The following BCO1 variants were observed in gnomAD, a reference collection of about 807,000 sequenced individuals.
The protein encoded by BCO1 is beta-carotene oxygenase 1.
BCO1 carries 54 observed loss-of-function variants against 56.3 expected under a neutral mutation model. The observed-to-expected ratio is 0.96, with a 90% CI of 0.77 to 1.20. The LOEUF (loss-of-function observed/expected upper bound fraction) is 1.20, where lower values mean the gene tolerates loss of function less well. Among genes scored for constraint, BCO1 ranks in the 50% most tolerant of loss-of-function variants. The pLI is 0.00. For synonymous variants in BCO1, 318 were observed against 266.1 expected, an observed-to-expected ratio of 1.20 and a Z score of -1.90; for missense variants, 801 against 690.9, an observed-to-expected ratio of 1.16 and a Z score of -1.79.
At chr16:81,258,849 C>T (rs1354922126) in intron 2 of BCO1, among the ~76,000 whole-genome samples, 2 of 152,122 alleles carry the variant, frequency 1.3e-5, no homozygotes, top group African/African-American at 2.4e-5. Flanking sequence ...AAGCAAGCCA[C>T]CAGCATCTGT....
intron 2 of BCO1, among the ~76,000 whole-genome samples, chr16:81,253,083 TGG>T (rs1175803913): frequency 2.0e-5 from 3 of 152,118 alleles, no homozygotes; most frequent in African/African-American, 7.2e-5. Context: ...CACTCCAGCC[TGG>T]GTGACGGAGC....
chr16:81,243,839 G>A (rs752102325), intron 1 of BCO1, among the ~76,000 whole-genome samples: 2 of 152,186 alleles, frequency 1.3e-5, no homozygotes, highest in African/African-American at 2.4e-5. Flanking sequence ...TATTTGGCAC[G>A]TGATCCCAAG....
chr16:81,255,942 G>A (rs1477098612), intron 2 of BCO1, among the ~76,000 whole-genome samples: 2 of 151,214 alleles, frequency 1.3e-5, no homozygotes, highest in Non-Finnish European at 2.9e-5. Flanking sequence ...TGAACCTCCC[G>A]AGTAGCTGGG....
chr16:81,253,586 G>C (rs1905943200), intron 2 of BCO1, among the ~76,000 whole-genome samples: 1 of 152,156 alleles, frequency 6.6e-6, no homozygotes. Flanking sequence ...TGAACTCAGG[G>C]CCTGGTCAGC....
At chr16:81,270,053 T>C in intron 6 of BCO1, 106 bp from the exon 7 acceptor site, 1 of 1,424,128 alleles carries the variant, frequency 7.0e-7, no homozygotes, top group South Asian at 1.1e-5. Flanking sequence ...GGGGACATAG[T>C]CCTGAGCCTA....
intron 4 of BCO1, chr16:81,263,493 A>G (rs940800206): frequency 6.6e-6 from 1 of 152,268 alleles, no homozygotes; most frequent in African/African-American, 2.4e-5. Context: ...CCTTATTTCC[A>G]AGTAAGGTCA....
At chr16:81,285,317 G>A (rs758985566) in intron 8 of BCO1, among the ~76,000 whole-genome samples, 8 of 152,206 alleles carry the variant, frequency 5.3e-5, no homozygotes, top group African/African-American at 7.2e-5. Flanking sequence ...TAGGTCTGGA[G>A]TACCTTGCTC....
At chr16:81,262,113 T>C in intron 3 of BCO1, 23 bp from the exon 4 acceptor site, 1 of 1,612,784 alleles carries the variant, frequency 6.2e-7, no homozygotes. Context: ...CCACTGACTC[T>C]GTTGATTTGC....
chr16:81,275,823 CA>C (rs1259316122), intron 7 of BCO1, among the ~76,000 whole-genome samples: 2 of 152,100 alleles, frequency 1.3e-5, no homozygotes, highest in Non-Finnish European at 2.9e-5. Context: ...CAGCTGGGGT[CA>C]AAGGAAGGCA....
At position 81,264,684 on chromosome 16, in the gene BCO1, TC is replaced by T. The variant is rs751586063; in HGVS notation, c.520del (p.His174IlefsTer9). Reference sequence around the variant, plus strand: ...TGGCGGTAAATCTGGCAACGTCACATCCCCATTATGATGAGGCTGGAAATGT... The same window carrying T: ...TGGCGGTAAATCTGGCAACGTCACATCCCATTATGATGAGGCTGGAAATGT... ...YVAVNLATSH[P>X]HYDEAGNVLN... is the part of the protein sequence containing the mutation. On this transcript the variant is annotated frameshift_variant, in exon 5 of 11. Transcript: ENST00000258168. LOFTEE classifies it high-confidence loss of function. 1.2e-6 allele frequency: 2 copies of T among 1,614,026 alleles called. No individual in the cohort carries two copies. The highest frequency in any genetic ancestry group is 1.7e-6 in the Non-Finnish European group (2 of 1,179,990).
chr16:81,243,956 C>T (rs923298839), intron 1 of BCO1, among the ~76,000 whole-genome samples: 6 of 152,238 alleles, frequency 3.9e-5, no homozygotes, highest in African/African-American at 9.6e-5. Flanking sequence ...CTGGGTATGA[C>T]GTAAAACATG....
intron 2 of BCO1, 66 bp downstream of exon 2, chr16:81,245,669 C>G: frequency 6.2e-7 from 1 of 1,600,924 alleles, no homozygotes. Context: ...TGCCTTAAAA[C>G]AGCACAAATT....
intron 2 of BCO1, among the ~76,000 whole-genome samples, chr16:81,256,191 C>A (rs964362070): frequency 6.6e-6 from 1 of 151,912 alleles, no homozygotes; most frequent in Non-Finnish European, 1.5e-5. Flanking sequence ...AGTATGAAAC[C>A]AGATAACACA....
At chr16:81,244,543 C>A (rs1346359708) in intron 1 of BCO1, among the ~76,000 whole-genome samples, 1 of 152,006 alleles carries the variant, frequency 6.6e-6, no homozygotes, top group Non-Finnish European at 1.5e-5. Flanking sequence ...TTGGACAGTA[C>A]AGCTCTAGAA....
At chr16:81,246,943 A>G (rs1905462410) in intron 2 of BCO1, among the ~76,000 whole-genome samples, 1 of 151,950 alleles carries the variant, frequency 6.6e-6, no homozygotes, top group Non-Finnish European at 1.5e-5. Context: ...CCACTTACAC[A>G]ATAAGCCGAG....
rs1908422978 is a variant in BCO1 at position 81,290,858 on chromosome 16, A to T, written c.*281A>T. 1 of 358,686 alleles carries T rather than the reference A, an allele frequency of 2.8e-6. No individual in the cohort carries two copies. The highest frequency in any genetic ancestry group is 5.1e-6 in the Non-Finnish European group (1 of 197,660). 22.2% of individuals were successfully genotyped at this position (358,686 alleles called of 1,614,324 possible). ...TTCCTTTAACAAAAAGACCTTGACC[A>T]TGAATCAGAGATTGTATTCAATGAC... On this transcript the variant is annotated 3_prime_UTR_variant, in exon 11 of 11. Transcript: ENST00000258168.
intron 2 of BCO1, among the ~76,000 whole-genome samples, chr16:81,257,574 T>A (rs2151934338): frequency 6.6e-6 from 1 of 151,372 alleles, no homozygotes; most frequent in African/African-American, 2.4e-5. Context: ...CTAGATGTGT[T>A]ATTTTACATA....
In BCO1 at chr16:81,245,414, T is replaced by C. The variant is rs552050938; in HGVS notation, c.65-61T>C. On this transcript the variant is annotated intron_variant, in intron 1 of 10. Transcript: ENST00000258168. ...CTCTCAAATTCCTTTCCATGACCATTTCTTCCAGCATTTTGGTTTGCAGGT... is the reference window on the plus strand; with the variant it reads ...CTCTCAAATTCCTTTCCATGACCATCTCTTCCAGCATTTTGGTTTGCAGGT... 210 of 1,613,666 alleles carry C rather than the reference T, an allele frequency of 1.3e-4. No homozygotes were observed. In the East Asian group the frequency reaches 2.0e-3, roughly 15 times the overall value.
At chr16:81,241,708 C>G (rs1008264887) in intron 1 of BCO1, among the ~76,000 whole-genome samples, 4 of 152,158 alleles carry the variant, frequency 2.6e-5, no homozygotes, top group Non-Finnish European at 4.4e-5. Flanking sequence ...AGTGACTTGC[C>G]AAGGCCAGGC....
Sources: gnomAD v4.1 joint callset for allele counts (sites outside exome capture counted in the v4.1 genomes callset) on GRCh38, gnomAD v4.1.1 for gene constraint, MANE v1.5 for transcripts, NCBI Gene and HGNC (gene_info 2026-07-23, HGNC 2026-07-21) for gene names.